LEKR1: variants seen among roughly 807,000 people sequenced by gnomAD.
LEKR1 encodes the protein leucine, glutamate and lysine rich 1, also known as protein LEKR1.
A neutral mutation model predicts 72.4 loss-of-function variants in LEKR1; 59 were observed. That is an observed-to-expected ratio of 0.82 (90% confidence interval 0.66 to 1.01). LEKR1 has a LOEUF of 1.01. LEKR1 is among the 50% of genes least tolerant of loss of function. LEKR1 has a pLI of 0.00. For missense variants in LEKR1, 728 were observed against 759.2 expected (o/e 0.96, Z 0.48); for synonymous variants, 257 against 263.2 (o/e 0.98, Z 0.23).
intron 3 of LEKR1, among the ~76,000 whole-genome samples, chr3:156,874,640 G>A (rs1718351506): frequency 6.6e-6 from 1 of 151,986 alleles, no homozygotes; most frequent in Non-Finnish European, 1.5e-5. Context: ...TTCATCACCT[G>A]AGCAGTATAC....
At chr3:156,907,948 T>A (rs1345860053) in intron 3 of LEKR1, among the ~76,000 whole-genome samples, 1 of 152,168 alleles carries the variant, frequency 6.6e-6, no homozygotes, top group African/African-American at 2.4e-5. Flanking sequence ...TCTTTCTTTG[T>A]CTTTCATGGT....
chr3:156,938,485 T>G (rs2108579757), intron 5 of LEKR1, among the ~76,000 whole-genome samples: 1 of 152,322 alleles, frequency 6.6e-6, no homozygotes, highest in Non-Finnish European at 1.5e-5. Context: ...CGAGCTATTC[T>G]CCTGCCTCAG....
intron 2 of LEKR1, among the ~76,000 whole-genome samples, chr3:156,849,499 T>C (rs1715066102): frequency 1.3e-5 from 2 of 152,192 alleles, no homozygotes; most frequent in African/African-American, 4.8e-5. Context: ...GCTACCTGAC[T>C]TCAAACTATA....
intron 6 of LEKR1, among the ~76,000 whole-genome samples, chr3:156,967,177 A>G (rs901489833): frequency 1.3e-5 from 2 of 152,214 alleles, no homozygotes; most frequent in Non-Finnish European, 2.9e-5. Flanking sequence ...AAAGATGGGG[A>G]AAAAACAGAG....
intron 9 of LEKR1, among the ~76,000 whole-genome samples, chr3:156,997,426 C>T (rs1731669161): frequency 6.6e-6 from 1 of 152,236 alleles, no homozygotes; most frequent in Non-Finnish European, 1.5e-5. Context: ...AAAGAAGCAG[C>T]TGGGCTCAGG....
At chr3:156,934,765 A>C (rs1725544730) in intron 5 of LEKR1, among the ~76,000 whole-genome samples, 1 of 152,162 alleles carries the variant, frequency 6.6e-6, no homozygotes, top group South Asian at 2.1e-4. Flanking sequence ...AACTGCTGTT[A>C]ACATTTTGAT....
intron 3 of LEKR1, among the ~76,000 whole-genome samples, chr3:156,865,117 T>A (rs1024798921): frequency 1.3e-5 from 2 of 152,044 alleles, no homozygotes; most frequent in Non-Finnish European, 2.9e-5. Context: ...GTGAACTGTT[T>A]ATCCTCTTTC....
At chr3:156,993,302 A>G (rs1381855076) in intron 9 of LEKR1, 25 bp downstream of exon 9, 2 of 1,471,828 alleles carry the variant, frequency 1.4e-6, no homozygotes, top group African/African-American at 1.4e-5. Flanking sequence ...AATTTCTTAC[A>G]AAAACATTTT....
intron 3 of LEKR1, among the ~76,000 whole-genome samples, chr3:156,883,026 T>G (rs1700799166): frequency 6.6e-6 from 1 of 151,654 alleles, no homozygotes; most frequent in African/African-American, 2.4e-5. Context: ...GGGGGAGAGA[T>G]AGCATTGGGA....
intron 3 of LEKR1, among the ~76,000 whole-genome samples, chr3:156,880,562 A>G (rs916144188): frequency 7.5e-4 from 114 of 152,314 alleles, no homozygotes; most frequent in African/African-American, 2.4e-3. Context: ...GCTGAATTCT[A>G]CCAGAGGTAC....
At chr3:156,919,826 CT>C (rs35872255) in intron 3 of LEKR1, among the ~76,000 whole-genome samples, 148 of 152,246 alleles carry the variant, frequency 9.7e-4, no homozygotes, top group Non-Finnish European at 1.8e-3. Context: ...TGTCAGACAT[CT>C]TTTTCCTCAT....
At chr3:156,866,400 G>A (rs2108544410) in intron 3 of LEKR1, among the ~76,000 whole-genome samples, 1 of 152,056 alleles carries the variant, frequency 6.6e-6, no homozygotes, top group South Asian at 2.1e-4. Context: ...CAGAGGACAG[G>A]CTGGAGGCAG....
intron 6 of LEKR1, among the ~76,000 whole-genome samples, chr3:156,960,282 G>T (rs183431463): frequency 6.8e-4 from 103 of 152,116 alleles, no homozygotes; most frequent in Non-Finnish European, 1.3e-3. Context: ...TTTTTGTTTG[G>T]TTGGTTGGTT....
chr3:156,920,744 A>G (rs142879102), intron 4 of LEKR1, 50 bp downstream of exon 4: 3 of 1,036,412 alleles, frequency 2.9e-6, no homozygotes, highest in East Asian at 2.8e-5. Context: ...TATGCTTAAT[A>G]CTAACTTTGT....
rs186291198 is a variant in LEKR1 at position 156,898,726 on chromosome 3, C to T, written c.264-21849C>T. Among the ~76,000 whole-genome samples the T allele has an allele frequency of 5.9e-5, 9 of 151,972 alleles. No homozygotes were observed. In the East Asian group the frequency reaches 7.7e-4, roughly 13 times the overall value. ...TTACTGTGAAACCATTTTTGGAATGCGATGGGGAGCTTACTGTAGAACACA... is the reference window on the plus strand; with the variant it reads ...TTACTGTGAAACCATTTTTGGAATGTGATGGGGAGCTTACTGTAGAACACA... On this transcript the variant is annotated intron_variant, in intron 3 of 12. Coordinates refer to ENST00000356539, the MANE Select transcript of LEKR1 (RefSeq NM_001004316.3).
intron 6 of LEKR1, among the ~76,000 whole-genome samples, chr3:156,968,391 C>T (rs994980785): frequency 6.6e-6 from 1 of 152,254 alleles, no homozygotes; most frequent in African/African-American, 2.4e-5. Flanking sequence ...ATCTCACATG[C>T]AGAGACACAC....
intron 12 of LEKR1, among the ~76,000 whole-genome samples, chr3:157,044,517 G>C (rs9829715): frequency 1 from 151,853 of 152,368 alleles, 75,669 homozygotes; most frequent in Middle Eastern, 1. Flanking sequence ...TTCAACCCTT[G>C]AGTGTCCTCC....
At chr3:156,929,619 G>A (rs868624104) in intron 5 of LEKR1, among the ~76,000 whole-genome samples, 15 of 151,900 alleles carry the variant, frequency 9.9e-5, no homozygotes, top group South Asian at 4.1e-4. Flanking sequence ...TTTAATCGCC[G>A]AAAACACACT....
At chr3:156,905,942 T>C (rs919022971) in intron 3 of LEKR1, among the ~76,000 whole-genome samples, 1 of 152,218 alleles carries the variant, frequency 6.6e-6, no homozygotes. Flanking sequence ...CCGACCTTAG[T>C]AGGATGTAAT....
Sources: gnomAD v4.1 joint callset for allele counts (sites outside exome capture counted in the v4.1 genomes callset) on GRCh38, gnomAD v4.1.1 for gene constraint, MANE v1.5 for transcripts, NCBI Gene and HGNC (gene_info 2026-07-23, HGNC 2026-07-21) for gene names.